The following ROBO1 variants were observed in gnomAD, a reference collection of about 807,000 sequenced individuals.
ROBO1 encodes the protein roundabout homolog 1.
In ROBO1, 149 loss-of-function variants were observed where a neutral mutation model predicts 195.9. The ratio of observed to expected loss-of-function variants is 0.76; its 90% CI spans 0.67 to 0.87. The LOEUF (loss-of-function observed/expected upper bound fraction) is 0.87. Ranked by LOEUF, ROBO1 falls within the 40% of genes least tolerant of loss-of-function variation. The probability of loss-of-function intolerance (pLI) is 0.00; values close to 1 mark genes in which losing one functional copy is unlikely to be tolerated. For synonymous variants in ROBO1, 816 were observed against 733.2 expected (o/e 1.11, Z -1.82); for missense variants, 1,933 against 2,068.3 (o/e 0.93, Z 1.27).
At chr3:78,671,390 G>C (rs1708058708) in intron 10 of ROBO1, among the ~76,000 whole-genome samples, 1 of 151,624 alleles carries the variant, frequency 6.6e-6, no homozygotes, top group Non-Finnish European at 1.5e-5. Context: ...ATTTTTAAAA[G>C]ACACAAATGT....
chr3:79,062,180 G>A (rs1177759331), intron 3 of ROBO1, among the ~76,000 whole-genome samples: 1 of 151,980 alleles, frequency 6.6e-6, no homozygotes, highest in Non-Finnish European at 1.5e-5. Flanking sequence ...ATCAAAAAGT[G>A]GGCAAATGAT....
intron 3 of ROBO1, among the ~76,000 whole-genome samples, chr3:79,068,948 A>C (rs2108429802): frequency 6.6e-6 from 1 of 151,860 alleles, no homozygotes; most frequent in South Asian, 2.1e-4. Flanking sequence ...CCTTTATCCT[A>C]AATTTTTGTT....
At chr3:79,405,280 C>T (rs1166222182) in intron 2 of ROBO1, among the ~76,000 whole-genome samples, 1 of 152,088 alleles carries the variant, frequency 6.6e-6, no homozygotes, top group Non-Finnish European at 1.5e-5. Flanking sequence ...TAAAGCAATG[C>T]CTGAGATCAG....
In ROBO1 at chr3:78,832,886, G is replaced by A. The variant is rs141177489; in HGVS notation, c.500-85986C>T. On this transcript the variant is annotated intron_variant, in intron 4 of 30. Transcript: ENST00000464233. ...GTAGAAGCACAGAGCAGAGAAACAA[G>A]GTGCTGTATTCAGCAAACCATTAAC... Among the ~76,000 whole-genome samples the A allele has an allele frequency of 5.3e-3, 800 of 152,144 alleles. 10 individuals are homozygous for A. Among genetic ancestry groups the A allele is most frequent in the African/African-American group, 0.018 (731 of 41,530 alleles).
intron 2 of ROBO1, among the ~76,000 whole-genome samples, chr3:79,164,753 C>T (rs1317924729): frequency 2.0e-5 from 3 of 152,182 alleles, no homozygotes; most frequent in Non-Finnish European, 4.4e-5. Flanking sequence ...TATTGCCTCT[C>T]TGATCTCATT....
At chr3:78,628,428 A>T (rs1704962491) in intron 25 of ROBO1, among the ~76,000 whole-genome samples, 1 of 152,072 alleles carries the variant, frequency 6.6e-6, no homozygotes. Flanking sequence ...AAAACACAAC[A>T]CCATTCAACA....
chr3:79,166,661 G>A (rs1394997476), intron 2 of ROBO1, among the ~76,000 whole-genome samples: 1 of 151,180 alleles, frequency 6.6e-6, no homozygotes, highest in African/African-American at 2.4e-5. Context: ...CGCCTCCCGG[G>A]TTCGCGCCAT....
chr3:79,356,421 A>G (rs186299831), intron 2 of ROBO1, among the ~76,000 whole-genome samples: 33 of 152,322 alleles, frequency 2.2e-4, no homozygotes, highest in African/African-American at 7.9e-4. Context: ...AATCAAATCA[A>G]TCTTTTGACC....
chr3:78,612,276 G>GA (rs886487099), intron 28 of ROBO1, among the ~76,000 whole-genome samples: 12 of 151,488 alleles, frequency 7.9e-5, no homozygotes, highest in Non-Finnish European at 1.3e-4. Context: ...CCACTAAAAA[G>GA]AAAAAAAACC....
intron 2 of ROBO1, among the ~76,000 whole-genome samples, chr3:79,471,739 G>A (rs1192845402): frequency 1.3e-5 from 2 of 152,070 alleles, no homozygotes; most frequent in Non-Finnish European, 2.9e-5. Flanking sequence ...TATACACCAT[G>A]GAATACTATG....
At position 79,740,224 on chromosome 3, in the gene ROBO1, A is replaced by T. The variant is rs369571406; in HGVS notation, c.-51+27528T>A. On this transcript the variant is annotated intron_variant, in intron 1 of 30. Coordinates refer to ENST00000464233, the MANE Select transcript of ROBO1 (RefSeq NM_002941.4). ...AAAAATATATATATTTATATATATAAATTTATATATAAATATATATATATA... is the reference window on the plus strand; with the variant it reads ...AAAAATATATATATTTATATATATATATTTATATATAAATATATATATATA... 1.3e-4 allele frequency among the ~76,000 whole-genome samples: 11 copies of T among 81,790 alleles called. No individual in the cohort carries two copies. The East Asian group carries it at 2.4e-3, about 18-fold the overall frequency. The allele number at this position is 81,790 out of a possible 152,430, so 53.7% of individuals were successfully genotyped here.
At chr3:78,639,694 C>A in intron 22 of ROBO1, 50 bp downstream of exon 22, 4 of 1,521,984 alleles carry the variant, frequency 2.6e-6, no homozygotes, top group South Asian at 1.2e-5. Flanking sequence ...GATCTTCTGG[C>A]TAGTTCCTTA....
chr3:79,344,839 G>T (rs554509119), intron 2 of ROBO1, among the ~76,000 whole-genome samples: 4 of 151,988 alleles, frequency 2.6e-5, no homozygotes, highest in Non-Finnish European at 5.9e-5. Flanking sequence ...GGGCTGTTTC[G>T]CCCATGCTGG....
chr3:79,745,815 T>C (rs1035584661), intron 1 of ROBO1, among the ~76,000 whole-genome samples: 13 of 152,142 alleles, frequency 8.5e-5, no homozygotes, highest in African/African-American at 3.1e-4. Flanking sequence ...ATGTATACAA[T>C]TGGCTTAAGG....
intron 2 of ROBO1, among the ~76,000 whole-genome samples, chr3:79,583,711 C>A (rs560615067): frequency 8.6e-5 from 13 of 151,876 alleles, no homozygotes; most frequent in South Asian, 2.1e-4. Flanking sequence ...AAGATATCCA[C>A]ATTAGCATAG....
chr3:79,034,340 C>T (rs954198588), intron 3 of ROBO1, among the ~76,000 whole-genome samples: 16 of 152,166 alleles, frequency 1.1e-4, no homozygotes, highest in Non-Finnish European at 2.2e-4. Context: ...AGATGAAAAA[C>T]GTCTCCACAT....
chr3:78,695,319 C>G (rs1014482988), intron 8 of ROBO1, among the ~76,000 whole-genome samples: 1 of 152,060 alleles, frequency 6.6e-6, no homozygotes, highest in Admixed American at 6.6e-5. Flanking sequence ...ACATCAATGA[C>G]AGATGACAAC....
At chr3:78,840,905 AC>A (rs2033145541) in intron 4 of ROBO1, among the ~76,000 whole-genome samples, 1 of 151,668 alleles carries the variant, frequency 6.6e-6, no homozygotes, top group African/African-American at 2.4e-5. Flanking sequence ...CTGAAAAAAT[AC>A]AAAAAATTAG....
chr3:78,607,964 G>A (rs189549221), intron 28 of ROBO1, among the ~76,000 whole-genome samples: 58 of 151,222 alleles, frequency 3.8e-4, no homozygotes, highest in African/African-American at 1.4e-3. Flanking sequence ...TTGTGTTTAC[G>A]TACCCAGAGG....
Sources: gnomAD v4.1 joint callset for allele counts (sites outside exome capture counted in the v4.1 genomes callset) on GRCh38, gnomAD v4.1.1 for gene constraint, MANE v1.5 for transcripts, NCBI Gene and HGNC (gene_info 2026-07-23, HGNC 2026-07-21) for gene names.